Variants in SPACA9 observed in about 807,000 individuals in gnomAD.
The protein encoded by SPACA9 is sperm acrosome associated 9.
A neutral mutation model predicts 12.5 loss-of-function variants in SPACA9; 14 were observed. The ratio of observed to expected loss-of-function variants is 1.12; its 90% CI spans 0.74 to 1.75. The LOEUF (loss-of-function observed/expected upper bound fraction) is 1.75, where lower values mean the gene tolerates loss of function less well. Ranked by LOEUF, SPACA9 falls within the 40% of genes most tolerant of loss-of-function variation. The pLI is 0.00. For missense variants in SPACA9, 292 were observed against 291.9 expected, an observed-to-expected ratio of 1.00 and a Z score of 0.00; for synonymous variants, 111 against 114.1, an observed-to-expected ratio of 0.97 and a Z score of 0.17.
intron 1 of SPACA9, among the ~76,000 whole-genome samples, chr9:132,881,296 AG>A (rs1187402160): frequency 2.2e-5 from 3 of 138,120 alleles, no homozygotes; most frequent in African/African-American, 7.9e-5. Flanking sequence ...AAAAAAAAGA[AG>A]AAAAAAAAAA....
In SPACA9 at chr9:132,889,042, T is replaced by G. The variant is rs1844659879; in HGVS notation, c.*431T>G. The G allele has an allele frequency of 1.0e-6, 1 of 995,938 alleles. No homozygotes were observed. The highest frequency in any genetic ancestry group is 5.2e-5 in the Admixed American group (1 of 19,080). The allele number at this position is 995,938 out of a possible 1,614,324, so 61.7% of individuals were successfully genotyped here. A position where few individuals can be genotyped will look rare whatever the true frequency, so the allele number is the denominator to read the frequency against. ...TGATCGGCCTCCCAAAGTGCTGGGA[T>G]TACAGGCGTGAGCCACAGCGCCCGG... On this transcript the variant is annotated 3_prime_UTR_variant, in exon 4 of 4. Transcript: ENST00000356311.
At chr9:132,884,506 G>A (rs1041211679) in intron 2 of SPACA9, among the ~76,000 whole-genome samples, 8 of 152,212 alleles carry the variant, frequency 5.3e-5, no homozygotes, top group Admixed American at 6.5e-5. Flanking sequence ...GGAACTGTGG[G>A]ATGCCAAGCA....
At chr9:132,882,841 A>C (rs551208211) in intron 1 of SPACA9, among the ~76,000 whole-genome samples, 1 of 152,210 alleles carries the variant, frequency 6.6e-6, no homozygotes, top group African/African-American at 2.4e-5. Context: ...GTGTGGCAGC[A>C]CTGACGATGC....
At chr9:132,883,151 A>G (rs1335324753) in intron 1 of SPACA9, among the ~76,000 whole-genome samples, 1 of 152,168 alleles carries the variant, frequency 6.6e-6, no homozygotes, top group East Asian at 1.9e-4. Flanking sequence ...TGAGGCGCCA[A>G]GAGAGAGTCC....
intron 1 of SPACA9, 69 bp from the exon 2 acceptor site, chr9:132,883,842 C>A: frequency 1.6e-6 from 2 of 1,250,768 alleles, no homozygotes; most frequent in Non-Finnish European, 2.3e-6. Flanking sequence ...CCCTGACAGT[C>A]CTTCCCTCCG....
downstream of SPACA9, chr9:132,890,078 A>ACAT: frequency 8.0e-7 from 1 of 1,243,762 alleles, no homozygotes. Context: ...AAGAAAACCT[A>ACAT]CATCTCCCCT....
rs151306963 is a variant in SPACA9 at position 132,888,912 on chromosome 9, C to G, written c.*301C>G. On this transcript the variant is annotated 3_prime_UTR_variant, in exon 4 of 4. Transcript: ENST00000356311. This position sits in a 1 kb window ranked among gnomAD's most constrained non-coding sequence, Gnocchi z 5.0. Reference sequence around the variant, plus strand: ...CCTCCCAAGTAGCTGGGACTACAGGCGCCCACCACCTCGCCTGGCTAATTT... The same window carrying G: ...CCTCCCAAGTAGCTGGGACTACAGGGGCCCACCACCTCGCCTGGCTAATTT... 5.1e-3 allele frequency: 2,957 copies of G among 584,400 alleles called. 78 individuals carry two copies. The African/African-American group carries it at 0.053, about 10-fold the overall frequency. The allele number at this position is 584,400 out of a possible 1,614,324, so 36.2% of individuals were successfully genotyped here.
Position 132,884,045 on chromosome 9 carries a change from G to A in SPACA9, c.98G>A (p.Arg33Lys), listed in dbSNP as rs754853994. 6.2e-7 allele frequency: 1 copy of A among 1,614,176 alleles called. No individual in the cohort carries two copies. The highest frequency in any genetic ancestry group is 1.1e-5 in the South Asian group (1 of 91,084). ...TTCACCGCCGCTCTGGAGCACTGCA[G>A]GGAGAACGCCCACGACAAGATCCGG... ...LTFTAALEHC[R>K]ENAHDKIRPI... The change falls in exon 2 of 4, where the codon AGG becomes AAG. Residue 33 changes from arginine to lysine, a missense_variant. Arg to Lys is a conservative substitution (Grantham distance 26, BLOSUM62 2). Coordinates refer to ENST00000356311, the MANE Select transcript of SPACA9 (RefSeq NM_001316897.2).
intron 2 of SPACA9, among the ~76,000 whole-genome samples, chr9:132,886,098 A>G (rs1273173331): frequency 4.6e-5 from 7 of 152,226 alleles, no homozygotes; most frequent in Admixed American, 3.3e-4. Flanking sequence ...TAGCAACAAA[A>G]AGACAAACGG....
upstream of SPACA9, chr9:132,878,472 C>T: frequency 1.6e-6 from 2 of 1,218,624 alleles, no homozygotes; most frequent in Non-Finnish European, 1.0e-6. This position sits in a 1 kb window ranked among gnomAD's most constrained non-coding sequence, Gnocchi z 4.7. Context: ...TCGCTTTTCC[C>T]ATTTGCGCAT....
downstream of SPACA9, chr9:132,890,086 C>G: frequency 8.5e-7 from 1 of 1,174,146 alleles, no homozygotes; most frequent in Non-Finnish European, 1.1e-6. Flanking sequence ...CTACATCTCC[C>G]CTAAGACATC....
Position 132,887,428 on chromosome 9 carries a change from G to A in SPACA9, c.204G>A (p.Met68Ile). 6.2e-7 allele frequency: 1 copy of A among 1,612,286 alleles called. No individual in the cohort carries two copies. Reference sequence around the variant, plus strand: ...CCACAGACCGGCGGGTTCTGCTCATGTTCCTGGACATCTGTTCAGAGCTGA... The same window carrying A: ...CCACAGACCGGCGGGTTCTGCTCATATTCCTGGACATCTGTTCAGAGCTGA... Reference protein sequence around the residue: ...NSSTDRRVLLMFLDICSELNK... With the variant: ...NSSTDRRVLLIFLDICSELNK... The change falls in exon 3 of 4, where the codon ATG (methionine) becomes ATA (isoleucine). Residue 68 changes from methionine to isoleucine, a missense_variant. Coordinates refer to ENST00000356311, the MANE Select transcript of SPACA9 (RefSeq NM_001316897.2). The surrounding 1 kb of genome is among the most constrained non-coding windows in gnomAD (Gnocchi z 5.4).
chr9:132,878,392 T>G (rs2131468177), upstream of SPACA9: 1 of 1,243,306 alleles, frequency 8.0e-7, no homozygotes, highest in Non-Finnish European at 1.0e-6. The surrounding 1 kb of genome is among the most constrained non-coding windows in gnomAD (Gnocchi z 4.7). Context: ...GTCGCGCGGG[T>G]CGCCCCCGCC....
chr9:132,885,374 G>T (rs936169023), intron 2 of SPACA9, among the ~76,000 whole-genome samples: 3 of 151,738 alleles, frequency 2.0e-5, no homozygotes, highest in Non-Finnish European at 4.4e-5. Context: ...TTAGCCAGTT[G>T]TGGTGGTACG....
At position 132,888,101 on chromosome 9, in the gene SPACA9, T is replaced by C. The variant is rs1254952921; in HGVS notation, c.348-189T>C. Among the ~76,000 whole-genome samples the C allele has an allele frequency of 6.6e-6, 1 of 152,154 alleles. No individual in the cohort carries two copies. The highest frequency in any genetic ancestry group is 1.5e-5 in the Non-Finnish European group (1 of 68,032). ...CATCTCCTGTCTTTCACACCAGAAT[T>C]ACCTGGGGCTTGTGGCACCCCAGGC... is the stretch of plus-strand genomic sequence containing the variant. On this transcript the variant is annotated intron_variant, in intron 3 of 3. Transcript: ENST00000356311. The surrounding 1 kb of genome is among the most constrained non-coding windows in gnomAD (Gnocchi z 5.0).
chr9:132,878,731 G>C, upstream of SPACA9: 1 of 987,024 alleles, frequency 1.0e-6, no homozygotes, highest in South Asian at 4.7e-5. The surrounding 1 kb of genome is among the most constrained non-coding windows in gnomAD (Gnocchi z 4.7). Flanking sequence ...CCGGAGGTTC[G>C]AGGATCGGGT....
In SPACA9 at chr9:132,887,416, G is replaced by A. The variant is rs779276098; in HGVS notation, c.192G>A (p.Arg64=). 1.2e-6 allele frequency: 2 copies of A among 1,612,140 alleles called. No homozygotes were observed. Among genetic ancestry groups the A allele is most frequent in the East Asian group, 4.5e-5 (2 of 44,874 alleles). The change falls in exon 3 of 4, where the codon CGG becomes CGA. Residue 64 remains arginine, a synonymous_variant. Transcript: ENST00000356311. This position sits in a 1 kb window ranked among gnomAD's most constrained non-coding sequence, Gnocchi z 5.4. The stretch of plus-strand genomic sequence containing the variant: ...ACTGCAACAGCTCCACAGACCGGCG[G>A]GTTCTGCTCATGTTCCTGGACATCT... ...EHYCNSSTDR[R]VLLMFLDICS... is the part of the protein sequence containing the mutation.
In SPACA9 at chr9:132,889,410, A is replaced by T. The variant is rs1455809389; in HGVS notation, c.*799A>T. 1 of 984,550 alleles carries T rather than the reference A, an allele frequency of 1.0e-6. No homozygotes were observed. The highest frequency in any genetic ancestry group is 6.2e-5 in the Admixed American group (1 of 16,248). The allele number at this position is 984,550 out of a possible 1,614,324, so 61.0% of individuals were successfully genotyped here. The stretch of plus-strand genomic sequence containing the variant: ...TCGGCATGTGGAACTCAGCGTGTTT[A>T]TTTTTTTATTTTTTGAGATGGAGTT... On this transcript the variant is annotated 3_prime_UTR_variant, in exon 4 of 4. Coordinates refer to ENST00000356311, the MANE Select transcript of SPACA9 (RefSeq NM_001316897.2).
intron 2 of SPACA9, among the ~76,000 whole-genome samples, chr9:132,884,973 CG>C (rs1257753180): frequency 6.6e-6 from 1 of 151,524 alleles, no homozygotes; most frequent in Non-Finnish European, 1.5e-5. Flanking sequence ...AATAGCTGGG[CG>C]TGGTGGTGCG....
Sources: gnomAD v4.1 joint callset for allele counts (sites outside exome capture counted in the v4.1 genomes callset) on GRCh38, gnomAD v4.1.1 for gene constraint, Gnocchi (gnomAD v3.1) non-coding constraint, MANE v1.5 for transcripts, NCBI Gene and HGNC (gene_info 2026-07-23, HGNC 2026-07-21) for gene names.